Variants in ATP8B4 observed in about 807,000 individuals in gnomAD.
The protein encoded by ATP8B4 is ATPase phospholipid transporting 8B4 (putative).
A neutral mutation model predicts 145.6 loss-of-function variants in ATP8B4; 133 were observed. The ratio of observed to expected loss-of-function variants is 0.91; its 90% CI spans 0.79 to 1.05. The LOEUF (loss-of-function observed/expected upper bound fraction) is 1.05, where lower values mean the gene tolerates loss of function less well. Among genes scored for constraint, ATP8B4 ranks in the 50% least tolerant of loss-of-function variants. The pLI, the probability that ATP8B4 is intolerant of heterozygous loss-of-function variation, is 0.00. For synonymous variants in ATP8B4, 507 were observed against 492.9 expected (o/e 1.03, Z -0.38); for missense variants, 1,458 against 1,425.2 (o/e 1.02, Z -0.37).
At chr15:49,864,152 A>G (rs1222750246) in intron 26 of ATP8B4, among the ~76,000 whole-genome samples, 3 of 152,230 alleles carry the variant, frequency 2.0e-5, no homozygotes, top group African/African-American at 7.2e-5. Flanking sequence ...TAAACAACGT[A>G]TTACCAGTAC....
chr15:49,984,222 C>T (rs986661979), intron 10 of ATP8B4, among the ~76,000 whole-genome samples: 7 of 152,054 alleles, frequency 4.6e-5, no homozygotes, highest in South Asian at 2.1e-4. Flanking sequence ...AGTGTCAGAG[C>T]GAGAATTTGA....
chr15:50,161,739 ACTAT>A (rs1311810326), intron 1 of ATP8B4, among the ~76,000 whole-genome samples: 2 of 152,022 alleles, frequency 1.3e-5, no homozygotes, highest in African/African-American at 4.8e-5. Context: ...TCTTGTAGTT[ACTAT>A]CTTTGATAGG....
At chr15:49,934,915 A>G (rs1340465908) in intron 14 of ATP8B4, among the ~76,000 whole-genome samples, 2 of 151,960 alleles carry the variant, frequency 1.3e-5, no homozygotes, top group African/African-American at 4.8e-5. Flanking sequence ...ATTCTTAAAG[A>G]CTCCATTAAC....
At chr15:50,103,477 T>C (rs1458510367) in intron 2 of ATP8B4, among the ~76,000 whole-genome samples, 1 of 151,954 alleles carries the variant, frequency 6.6e-6, no homozygotes, top group Admixed American at 6.6e-5. Flanking sequence ...AATGAAGAAC[T>C]CAAACCTTTT....
intron 16 of ATP8B4, among the ~76,000 whole-genome samples, chr15:49,926,256 A>T (rs2040713299): frequency 6.6e-6 from 1 of 152,070 alleles, no homozygotes; most frequent in Admixed American, 6.6e-5. Flanking sequence ...CTCCTCCAAT[A>T]ATTAGCTACT....
At chr15:49,930,973 G>A (rs1853586327) in intron 16 of ATP8B4, 146 bp downstream of exon 16, 2 of 824,296 alleles carry the variant, frequency 2.4e-6, no homozygotes, top group Non-Finnish European at 3.8e-6. Context: ...CAGTATTGAG[G>A]CTAGGTTGAG....
At chr15:50,083,130 G>A (rs977845283) in intron 2 of ATP8B4, among the ~76,000 whole-genome samples, 2 of 152,050 alleles carry the variant, frequency 1.3e-5, no homozygotes, top group Non-Finnish European at 2.9e-5. Context: ...AAACAACCTC[G>A]TGGCCCAGTC....
chr15:50,108,552 T>C (rs960610166), intron 1 of ATP8B4, among the ~76,000 whole-genome samples: 12 of 152,172 alleles, frequency 7.9e-5, no homozygotes, highest in African/African-American at 2.9e-4. Context: ...TCCAGAAATA[T>C]ACAACTCAGC....
In ATP8B4 at chr15:50,052,077, CA is replaced by C. The variant is rs748611150; in HGVS notation, c.88-4614del. Among the ~76,000 whole-genome samples, 5 of 152,310 alleles carry C rather than the reference CA, an allele frequency of 3.3e-5. No homozygotes were observed. In the East Asian group the frequency reaches 9.6e-4, roughly 29 times the overall value. ...CTTTTCTTTGTTTTTCAACCAAAAG[CA>C]AAACACATTTCCATTTCCACTGCCC... On this transcript the variant is annotated intron_variant, in intron 3 of 27. Transcript: ENST00000284509.
At chr15:50,002,668 G>GA (rs1388833385) in intron 7 of ATP8B4, among the ~76,000 whole-genome samples, 4 of 151,430 alleles carry the variant, frequency 2.6e-5, no homozygotes, top group South Asian at 2.1e-4. Context: ...GGAGGAAACT[G>GA]AAAAAATAAA....
At chr15:50,169,242 T>C (rs1389446012) in intron 1 of ATP8B4, among the ~76,000 whole-genome samples, 1 of 152,144 alleles carries the variant, frequency 6.6e-6, no homozygotes, top group Non-Finnish European at 1.5e-5. Flanking sequence ...AATAGAGTAC[T>C]AAACCACCAA....
intron 2 of ATP8B4, among the ~76,000 whole-genome samples, chr15:50,100,810 A>G (rs2056306508): frequency 2.6e-5 from 4 of 152,228 alleles, no homozygotes; most frequent in Admixed American, 2.6e-4. Context: ...TAGACTCACT[A>G]TATAGCAATT....
chr15:49,978,821 T>TGTGG (rs1424664957), intron 12 of ATP8B4, among the ~76,000 whole-genome samples: 1 of 149,882 alleles, frequency 6.7e-6, no homozygotes, highest in Non-Finnish European at 1.5e-5. Context: ...GAGGGGTGTG[T>TGTGG]GTGTGTGTGT....
rs2036942064 is a variant in ATP8B4 at position 49,892,513 on chromosome 15, G to A, written c.2697+4779C>T. Among the ~76,000 whole-genome samples, 3 of 152,134 alleles carry A rather than the reference G, an allele frequency of 2.0e-5. No individual in the cohort carries two copies. The South Asian group carries it at 6.2e-4, about 31-fold the overall frequency. Reference sequence around the variant, plus strand: ...CTGTTCCTATGGGGACAATATTCTTGTTATCATTTTGCTCTTTGTACATCT... The same window carrying A: ...CTGTTCCTATGGGGACAATATTCTTATTATCATTTTGCTCTTTGTACATCT... On this transcript the variant is annotated intron_variant, in intron 23 of 27. Transcript: ENST00000284509.
intron 6 of ATP8B4, among the ~76,000 whole-genome samples, chr15:50,019,238 A>T (rs1567208565): frequency 6.6e-6 from 1 of 152,216 alleles, no homozygotes; most frequent in Non-Finnish European, 1.5e-5. Flanking sequence ...GTAGCATAGT[A>T]GAAGAGTACA....
chr15:50,090,427 G>T (rs1211868954), intron 2 of ATP8B4, among the ~76,000 whole-genome samples: 3 of 152,134 alleles, frequency 2.0e-5, no homozygotes, highest in Non-Finnish European at 4.4e-5. Flanking sequence ...ACCTTGGGAG[G>T]TGATTAGGTC....
At chr15:50,017,003 T>C (rs2153576977) in intron 6 of ATP8B4, among the ~76,000 whole-genome samples, 1 of 152,280 alleles carries the variant, frequency 6.6e-6, no homozygotes, top group East Asian at 1.9e-4. Flanking sequence ...CGCCTCAACC[T>C]CCCAAAGTGC....
chr15:49,997,254 A>G (rs893446553), intron 8 of ATP8B4, among the ~76,000 whole-genome samples: 10 of 152,180 alleles, frequency 6.6e-5, no homozygotes, highest in African/African-American at 1.2e-4. Flanking sequence ...CAAGAAACCC[A>G]TAAGTCTAAA....
intron 2 of ATP8B4, among the ~76,000 whole-genome samples, chr15:50,078,735 C>G (rs183999697): frequency 7.9e-5 from 12 of 151,826 alleles, no homozygotes; most frequent in Non-Finnish European, 1.6e-4. Flanking sequence ...CAAGGACAAG[C>G]AGATAATCCC....
Sources: gnomAD v4.1 joint callset for allele counts (sites outside exome capture counted in the v4.1 genomes callset) on GRCh38, gnomAD v4.1.1 for gene constraint, MANE v1.5 for transcripts, NCBI Gene and HGNC (gene_info 2026-07-23, HGNC 2026-07-21) for gene names.